ROR1: variants seen among roughly 807,000 people sequenced by gnomAD.
ROR1 encodes the protein ROR family WNT receptor 1.
A neutral mutation model predicts 78.8 loss-of-function variants in ROR1; 19 were observed. That is an observed-to-expected ratio of 0.24 (90% CI 0.17 to 0.35). ROR1 has a LOEUF of 0.35. Among genes scored for constraint, ROR1 ranks in the 10% least tolerant of loss-of-function variants. The probability of loss-of-function intolerance (pLI) is 1.00; values close to 1 mark genes in which losing one functional copy is unlikely to be tolerated. For synonymous variants in ROR1, 386 were observed against 433.6 expected (o/e 0.89, Z 1.36); for missense variants, 917 against 1,177.8 (o/e 0.78, Z 3.24).
intron 7 of ROR1, among the ~76,000 whole-genome samples, chr1:64,149,898 C>T (rs1649573554): frequency 6.6e-6 from 1 of 152,094 alleles, no homozygotes; most frequent in Admixed American, 6.6e-5. Flanking sequence ...CTGTCAATAC[C>T]TCTGAGAACT....
intron 1 of ROR1, among the ~76,000 whole-genome samples, chr1:63,839,937 A>G (rs1216287479): frequency 6.6e-6 from 1 of 152,228 alleles, no homozygotes; most frequent in Admixed American, 6.5e-5. Context: ...GGCTGAATAT[A>G]TCTCATCAGT....
At chr1:63,785,186 T>C (rs1357865933) in intron 1 of ROR1, among the ~76,000 whole-genome samples, 1 of 152,238 alleles carries the variant, frequency 6.6e-6, no homozygotes, top group African/African-American at 2.4e-5. Context: ...ATAAGAGAGA[T>C]TATAGCCTTG....
At chr1:63,788,624 A>G (rs188433300) in intron 1 of ROR1, 1 of 151,998 alleles carries the variant, frequency 6.6e-6, no homozygotes, top group African/African-American at 2.4e-5. Flanking sequence ...ATTATATGTT[A>G]TATATATATA....
At chr1:64,103,124 G>A (rs1448592817) in intron 4 of ROR1, among the ~76,000 whole-genome samples, 1 of 152,182 alleles carries the variant, frequency 6.6e-6, no homozygotes, top group Admixed American at 6.6e-5. Flanking sequence ...GCAGGAAGAT[G>A]TTAGGTTCGC....
chr1:64,136,427 C>A lies in ROR1; in HGVS notation c.483-942C>A, dbSNP rs1649104613. ...GGTTGAAGTCAACTTATACACGTGG[C>A]AGGCAGACTTTGGTTTGGCTATGGT... On this transcript the variant is annotated intron_variant, in intron 4 of 8. Transcript: ENST00000371079. Among the ~76,000 whole-genome samples the A allele has an allele frequency of 2.7e-5, 4 of 149,894 alleles. No individual in the cohort carries two copies. The South Asian group carries it at 8.4e-4, about 32-fold the overall frequency.
chr1:64,136,186 G>C (rs986856540), intron 4 of ROR1, among the ~76,000 whole-genome samples: 3 of 152,168 alleles, frequency 2.0e-5, no homozygotes, highest in African/African-American at 7.2e-5. Context: ...ATGTAGGGCA[G>C]AGAAGTCAGT....
chr1:63,787,701 A>G (rs1335273598), intron 1 of ROR1, among the ~76,000 whole-genome samples: 3 of 151,984 alleles, frequency 2.0e-5, no homozygotes, highest in South Asian at 2.1e-4. Flanking sequence ...TAATTTTTGT[A>G]TATTTAGTAG....
intron 1 of ROR1, among the ~76,000 whole-genome samples, chr1:63,797,815 TTTG>T (rs952057973): frequency 1.8e-4 from 27 of 152,262 alleles, no homozygotes; most frequent in African/African-American, 5.8e-4. Flanking sequence ...TAGGGACACC[TTTG>T]TTGTTGTTGT....
chr1:63,829,415 G>A (rs752342703), intron 1 of ROR1, among the ~76,000 whole-genome samples: 8 of 152,200 alleles, frequency 5.3e-5, no homozygotes, highest in South Asian at 2.1e-4. Context: ...AATGTGCAGC[G>A]TGCTATGGGA....
chr1:63,897,253 A>G (rs1645447651), intron 1 of ROR1, among the ~76,000 whole-genome samples: 1 of 152,230 alleles, frequency 6.6e-6, no homozygotes, highest in African/African-American at 2.4e-5. Context: ...TCGACAAAAT[A>G]AAAGGATATG....
intron 1 of ROR1, among the ~76,000 whole-genome samples, chr1:63,962,550 A>G (rs533370596): frequency 6.6e-6 from 1 of 152,332 alleles, no homozygotes; most frequent in Non-Finnish European, 1.5e-5. Flanking sequence ...GGAGGAGAAG[A>G]GGACTGAGAA....
intron 1 of ROR1, among the ~76,000 whole-genome samples, chr1:63,936,767 T>C (rs1645797432): frequency 1.3e-5 from 2 of 152,184 alleles, no homozygotes; most frequent in Admixed American, 1.3e-4. Context: ...CCTTGTAAAG[T>C]TGCTATCAGG....
At chr1:63,839,409 C>T (rs1645036820) in intron 1 of ROR1, among the ~76,000 whole-genome samples, 1 of 150,888 alleles carries the variant, frequency 6.6e-6, no homozygotes, top group Middle Eastern at 3.2e-3. Context: ...TCTAATTTGG[C>T]ATCTATTTAT....
At chr1:64,041,474 G>C (rs1646745126) in intron 2 of ROR1, among the ~76,000 whole-genome samples, 1 of 152,182 alleles carries the variant, frequency 6.6e-6, no homozygotes, top group Non-Finnish European at 1.5e-5. Context: ...AAGTAGCAAA[G>C]TGCAAGTTTT....
intron 1 of ROR1, among the ~76,000 whole-genome samples, chr1:64,004,343 G>A (rs1646411133): frequency 6.6e-6 from 1 of 152,340 alleles, no homozygotes; most frequent in South Asian, 2.1e-4. Flanking sequence ...AGGGTCTAGA[G>A]CCTGTACTCT....
intron 4 of ROR1, among the ~76,000 whole-genome samples, chr1:64,090,199 C>T (rs1158761475): frequency 6.6e-6 from 1 of 152,176 alleles, no homozygotes; most frequent in Non-Finnish European, 1.5e-5. Flanking sequence ...CTATTGTCTT[C>T]TCAATGTCCA....
intron 4 of ROR1, among the ~76,000 whole-genome samples, chr1:64,065,472 A>G (rs887111711): frequency 6.6e-5 from 10 of 152,230 alleles, no homozygotes; most frequent in African/African-American, 2.4e-4. Flanking sequence ...GAAACAGTAC[A>G]GCAACAGCAG....
chr1:64,034,581 T>C (rs1315352698), intron 2 of ROR1, among the ~76,000 whole-genome samples: 1 of 152,168 alleles, frequency 6.6e-6, no homozygotes, highest in Admixed American at 6.5e-5. Context: ...TTCTCTTTCC[T>C]TCCTATTCTC....
intron 1 of ROR1, among the ~76,000 whole-genome samples, chr1:63,965,364 A>C (rs1317507529): frequency 1.3e-5 from 2 of 152,182 alleles, no homozygotes; most frequent in Non-Finnish European, 2.9e-5. Context: ...CTCATGGCAA[A>C]AGTTGCCAGT....
Sources: allele counts gnomAD v4.1 joint callset (sites outside exome capture counted in the v4.1 genomes callset), GRCh38; gene constraint gnomAD v4.1.1; transcripts MANE v1.5; gene names NCBI Gene and HGNC (gene_info 2026-07-23, HGNC 2026-07-21).